The following DAB1 variants were observed in gnomAD, a reference collection of about 807,000 sequenced individuals.
DAB1 encodes disabled homolog 1.
In DAB1, 15 loss-of-function variants were observed where a neutral mutation model predicts 64.6. The observed-to-expected ratio is 0.23, with a 90% CI of 0.16 to 0.36. The LOEUF (loss-of-function observed/expected upper bound fraction) is 0.36. DAB1 is among the 10% of genes least tolerant of loss of function. DAB1 has a pLI of 1.00. For synonymous variants in DAB1, 235 were observed against 251.9 expected (o/e 0.93, Z 0.64); for missense variants, 596 against 706.7 (o/e 0.84, Z 1.78).
intron 6 of DAB1, among the ~76,000 whole-genome samples, chr1:57,713,925 TTGTC>T (rs140445166): frequency 0.028 from 4,291 of 152,232 alleles, 190 homozygotes; most frequent in African/African-American, 0.096. Flanking sequence ...AGCTTCCAGA[TTGTC>T]TGTCTATATT....
chr1:58,113,543 TGA>T (rs1230787780), intron 5 of DAB1, among the ~76,000 whole-genome samples: 1 of 152,152 alleles, frequency 6.6e-6, no homozygotes, highest in Non-Finnish European at 1.5e-5. Context: ...TTCTGTGTAA[TGA>T]GAGTGTGTGT....
chr1:58,434,867 G>A (rs1644924381), intron 3 of DAB1, among the ~76,000 whole-genome samples: 1 of 152,176 alleles, frequency 6.6e-6, no homozygotes, highest in Non-Finnish European at 1.5e-5. Context: ...AGTCTCCACA[G>A]TCTCCCCACC....
chr1:57,179,153 G>A (rs759794610), intron 2 of DAB1, among the ~76,000 whole-genome samples: 2 of 152,118 alleles, frequency 1.3e-5, no homozygotes, highest in Non-Finnish European at 2.9e-5. Context: ...CAGCAAATGG[G>A]CACATGGGGT....
intron 1 of DAB1, among the ~76,000 whole-genome samples, chr1:57,320,908 T>G (rs1326488795): frequency 2.6e-5 from 4 of 152,168 alleles, no homozygotes; most frequent in African/African-American, 9.7e-5. Context: ...AGCCGAAATT[T>G]AAATCCAAGC....
intron 7 of DAB1, among the ~76,000 whole-genome samples, chr1:57,636,649 T>C (rs1646060639): frequency 6.6e-6 from 1 of 152,050 alleles, no homozygotes; most frequent in Admixed American, 6.6e-5. Context: ...GTGGGTGAGA[T>C]ATGGGGTGTA....
At chr1:57,751,082 C>T (rs1010413852) in intron 6 of DAB1, among the ~76,000 whole-genome samples, 2 of 152,136 alleles carry the variant, frequency 1.3e-5, no homozygotes, top group African/African-American at 2.4e-5. Flanking sequence ...TGATTGGATA[C>T]TGCTGAGCAC....
intron 2 of DAB1, among the ~76,000 whole-genome samples, chr1:57,216,996 A>G (rs1278636476): frequency 6.6e-6 from 1 of 152,174 alleles, no homozygotes; most frequent in African/African-American, 2.4e-5. Context: ...CCATCCAGGG[A>G]CTTCATGTCC....
intron 3 of DAB1, chr1:58,474,092 A>C (rs1645394661): frequency 2.2e-6 from 1 of 453,280 alleles, no homozygotes; most frequent in African/African-American, 2.0e-5. Context: ...TAAAGCATCA[A>C]GCATTCCTGT....
chr1:58,209,905 G>T (rs951200181), intron 4 of DAB1, among the ~76,000 whole-genome samples: 1 of 152,122 alleles, frequency 6.6e-6, no homozygotes, highest in Admixed American at 6.5e-5. Context: ...TGAATGTAAG[G>T]TGTGCTGAGA....
At chr1:57,606,194 T>C in intron 7 of DAB1, 1 of 251,872 alleles carries the variant, frequency 4.0e-6, no homozygotes, top group South Asian at 4.5e-5. Context: ...TTTCCGGTAT[T>C]TTTAAAAGTC....
chr1:58,190,475 T>G (rs507981), intron 4 of DAB1, among the ~76,000 whole-genome samples: 120,862 of 151,654 alleles, frequency 0.8, 48,869 homozygotes, highest in South Asian at 0.87. Context: ...CAGTCTGTCA[T>G]GCACATTGTG....
In DAB1 at chr1:58,025,645, A is replaced by ACG. The variant is rs1553153751; in HGVS notation, n.387+124865_387+124866insCG. On this transcript the variant is annotated intron_variant and non_coding_transcript_variant, in intron 5 of 20. Transcript: ENST00000485760. ...GTTATAAATATAATATTATATATAT[A>ACG]TGTGTGTATATATATATATATATAT... Among the ~76,000 whole-genome samples, 348 of 79,300 alleles carry ACG rather than the reference A, an allele frequency of 4.4e-3. 1 individual carries two copies. The highest frequency in any genetic ancestry group is 0.012 in the African/African-American group (294 of 24,246). The allele number at this position is 79,300 out of a possible 152,430, so 52.0% of individuals were successfully genotyped here. A position where few individuals can be genotyped will look rare whatever the true frequency, so the allele number is the denominator to read the frequency against.
chr1:57,307,097 G>C (rs1267978943), intron 1 of DAB1: 1 of 152,182 alleles, frequency 6.6e-6, no homozygotes, highest in Non-Finnish European at 1.5e-5. Context: ...TTTTTTAGGA[G>C]GGTCCCCTCG....
intron 6 of DAB1, among the ~76,000 whole-genome samples, chr1:57,700,573 C>T (rs1646895141): frequency 6.6e-6 from 1 of 152,106 alleles, no homozygotes; most frequent in Non-Finnish European, 1.5e-5. Flanking sequence ...AACCGAAGCC[C>T]CTTTATATGT....
intron 5 of DAB1, among the ~76,000 whole-genome samples, chr1:58,103,062 C>A (rs1458894042): frequency 6.6e-6 from 1 of 152,136 alleles, no homozygotes; most frequent in Non-Finnish European, 1.5e-5. Context: ...GCTCACAGTT[C>A]AGGAGGGGAG....
chr1:57,083,077 T>C (rs528368647), intron 4 of DAB1, among the ~76,000 whole-genome samples: 1 of 152,192 alleles, frequency 6.6e-6, no homozygotes, highest in Non-Finnish European at 1.5e-5. Context: ...TTGCTATGCA[T>C]AGAGTTCCTG....
intron 6 of DAB1, among the ~76,000 whole-genome samples, chr1:57,750,449 C>T (rs1289881711): frequency 2.0e-5 from 3 of 152,242 alleles, no homozygotes; most frequent in East Asian, 3.9e-4. Flanking sequence ...CCTGAGTGGC[C>T]CTCGGTTAGT....
intron 1 of DAB1, among the ~76,000 whole-genome samples, chr1:57,359,010 T>C (rs1443754826): frequency 6.6e-6 from 1 of 152,018 alleles, no homozygotes; most frequent in Admixed American, 6.6e-5. Flanking sequence ...GAAGAAAATA[T>C]ATAAGAAAAG....
chr1:57,367,776 G>A (rs555168321), intron 1 of DAB1, among the ~76,000 whole-genome samples: 23 of 152,276 alleles, frequency 1.5e-4, no homozygotes, highest in Admixed American at 5.9e-4. Flanking sequence ...TGCAGCTGCA[G>A]CCACCCAAGT....
Sources: allele counts gnomAD v4.1 joint callset (sites outside exome capture counted in the v4.1 genomes callset), GRCh38; gene constraint gnomAD v4.1.1; transcripts MANE v1.5; gene names NCBI Gene and HGNC (gene_info 2026-07-23, HGNC 2026-07-21).